Variants in DNAJC16 observed in about 807,000 individuals in gnomAD.
DNAJC16 encodes DnaJ heat shock protein family (Hsp40) member C16.
DNAJC16 carries 76 observed loss-of-function variants against 92.7 expected under a neutral mutation model. The ratio of observed to expected loss-of-function variants is 0.82; its 90% CI spans 0.68 to 0.99. The LOEUF is 0.99. Ranked by LOEUF, DNAJC16 falls within the 50% of genes least tolerant of loss-of-function variation. The pLI is 0.00. For missense variants in DNAJC16, 869 were observed against 942.4 expected, an observed-to-expected ratio of 0.92 and a Z score of 1.02; for synonymous variants, 328 against 358.7, an observed-to-expected ratio of 0.91 and a Z score of 0.97.
chr1:15,532,811 T>C (rs188326292), intron 2 of DNAJC16, among the ~76,000 whole-genome samples: 1 of 152,296 alleles, frequency 6.6e-6, no homozygotes, highest in Admixed American at 6.5e-5. Context: ...CTAATACTCA[T>C]AGCAAGGATT....
In DNAJC16 at chr1:15,534,321, G is replaced by T. The variant is rs1223731706; in HGVS notation, c.234+18G>T. On this transcript the variant is annotated intron_variant, in intron 3 of 14. Transcript: ENST00000375847. ...CTTACGAGGTATCGTGTCCAGCTTT[G>T]TGATGCATCCATTAGCTCTTACAAA... The T allele has an allele frequency of 6.2e-7, 1 of 1,612,900 alleles. No individual in the cohort carries two copies. The highest frequency in any genetic ancestry group is 1.7e-5 in the Admixed American group (1 of 59,864).
intron 7 of DNAJC16, among the ~76,000 whole-genome samples, chr1:15,549,591 G>C (rs988743589): frequency 6.6e-6 from 1 of 151,960 alleles, no homozygotes; most frequent in Non-Finnish European, 1.5e-5. Flanking sequence ...GAGGCGGGCA[G>C]ATCACGAGGT....
chr1:15,527,504 TTTATG>T (rs1557564851), intron 1 of DNAJC16, among the ~76,000 whole-genome samples: 1 of 152,208 alleles, frequency 6.6e-6, no homozygotes, highest in African/African-American at 2.4e-5. Flanking sequence ...TCATTCCCAT[TTTATG>T]AATAAGGACG....
At position 15,568,116 on chromosome 1, in the gene DNAJC16, A is replaced by G; in HGVS notation, c.2288A>G (p.Glu763Gly). 6.2e-7 allele frequency: 1 copy of G among 1,614,162 alleles called. No homozygotes were observed. Among genetic ancestry groups the G allele is most frequent in the Non-Finnish European group, 8.5e-7 (1 of 1,180,028 alleles). The change falls in exon 15 of 15, where the codon GAA (glutamate) becomes GGA (glycine). Residue 763 changes from glutamate (E) to glycine (G), a missense_variant. Transcript: ENST00000375847. Reference sequence around the variant, plus strand: ...TTGAGCAAGCTCTCTTTATGGATGGAACGCCTGCTGGAGGGCTCCTTACAG... The same window carrying G: ...TTGAGCAAGCTCTCTTTATGGATGGGACGCCTGCTGGAGGGCTCCTTACAG... The part of the protein sequence containing the change: ...GKLSKLSLWM[E>G]RLLEGSLQRF...
intron 3 of DNAJC16, among the ~76,000 whole-genome samples, chr1:15,535,843 C>G (rs947821711): frequency 1.3e-5 from 2 of 151,822 alleles, no homozygotes; most frequent in African/African-American, 2.4e-5. Flanking sequence ...CTCACTGCAG[C>G]CTTCAACTAC....
chr1:15,549,241 G>A (rs535174710), intron 7 of DNAJC16, among the ~76,000 whole-genome samples: 40 of 152,298 alleles, frequency 2.6e-4, no homozygotes, highest in Non-Finnish European at 3.7e-4. Flanking sequence ...TTTGGCTGTG[G>A]ACATACTGAA....
intron 6 of DNAJC16, 120 bp from the exon 7 acceptor site, chr1:15,548,150 G>A: frequency 1.1e-6 from 1 of 873,398 alleles, no homozygotes; most frequent in South Asian, 1.9e-5. Flanking sequence ...GGAAGACCTA[G>A]TGGAGCTGTG....
intron 3 of DNAJC16, among the ~76,000 whole-genome samples, chr1:15,536,192 G>T (rs1710779023): frequency 6.7e-6 from 1 of 149,156 alleles, no homozygotes; most frequent in Admixed American, 6.8e-5. Flanking sequence ...TCCTACCTCA[G>T]CCTCCCGAGT....
Position 15,567,212 on chromosome 1 carries a change from A to G in DNAJC16, c.1892A>G (p.Asn631Ser). Residue 631 changes from asparagine (N) to serine (S), a missense_variant, in exon 14 of 15, where the codon AAT (asparagine) becomes AGT (serine). Physicochemically the swap from Asn to Ser is conservative, Grantham distance 46 (BLOSUM62 1). Coordinates refer to ENST00000375847, the MANE Select transcript of DNAJC16 (RefSeq NM_015291.4). The stretch of plus-strand genomic sequence containing the variant: ...ATGAATGTGGTCCTCATCCTGTCGA[A>G]TTCTACCAAGACCAGCCTACTACAG... Reference protein sequence around the residue: ...GHMNVVLILSNSTKTSLLQKF... With the variant: ...GHMNVVLILSSSTKTSLLQKF... 6.2e-7 allele frequency: 1 copy of G among 1,614,148 alleles called. No homozygotes were observed. Among genetic ancestry groups the G allele is most frequent in the South Asian group, 1.1e-5 (1 of 91,080 alleles).
chr1:15,541,032 C>T (rs1401492075), intron 4 of DNAJC16, among the ~76,000 whole-genome samples: 1 of 152,130 alleles, frequency 6.6e-6, no homozygotes, highest in African/African-American at 2.4e-5. Context: ...ACCATGATGC[C>T]TCACCCTCCC....
chr1:15,535,275 G>C (rs561829711), intron 3 of DNAJC16, among the ~76,000 whole-genome samples: 71 of 152,306 alleles, frequency 4.7e-4, no homozygotes, highest in Non-Finnish European at 8.4e-4. Context: ...TTGAGCCCTG[G>C]TGATCAACAT....
intron 4 of DNAJC16, among the ~76,000 whole-genome samples, chr1:15,541,945 C>T (rs536908973): frequency 4.9e-4 from 75 of 152,222 alleles, no homozygotes; most frequent in African/African-American, 1.7e-3. Flanking sequence ...AGATGGAGCA[C>T]CTAATCCTTG....
At chr1:15,553,186 G>A (rs1416021751) in intron 7 of DNAJC16, among the ~76,000 whole-genome samples, 1 of 151,596 alleles carries the variant, frequency 6.6e-6, no homozygotes, top group East Asian at 1.9e-4. Context: ...ATAGTCTTTT[G>A]TTTATCTCCG....
chr1:15,530,360 T>TA (rs1386308703), intron 2 of DNAJC16, among the ~76,000 whole-genome samples: 1 of 151,968 alleles, frequency 6.6e-6, no homozygotes, highest in Non-Finnish European at 1.5e-5. Flanking sequence ...AAAAAAAACT[T>TA]ACAGAAAATT....
At position 15,566,175 on chromosome 1, in the gene DNAJC16, C is replaced by T. The variant is rs758738363; in HGVS notation, c.1773C>T (p.Asn591=). The T allele has an allele frequency of 6.2e-7, 1 of 1,613,660 alleles. No homozygotes were observed. Among genetic ancestry groups the T allele is most frequent in the Non-Finnish European group, 8.5e-7 (1 of 1,179,890 alleles). ...CTGAGCCAAGCTTCACCAAAGAAAA[C>T]AGCAGGTTTCTCTAACAAAACACCA... ...GKTEPSFTKE[N]SSKIPKKGFV... is the part of the protein sequence containing the mutation. The change falls in exon 13 of 15, where the codon AAC becomes AAT. Residue 591 remains asparagine (N), a synonymous_variant. Coordinates refer to ENST00000375847, the MANE Select transcript of DNAJC16 (RefSeq NM_015291.4).
chr1:15,555,681 C>CAA (rs937939468), intron 7 of DNAJC16, among the ~76,000 whole-genome samples: 10 of 51,554 alleles, frequency 1.9e-4, no homozygotes, highest in Admixed American at 4.4e-4. Flanking sequence ...GACTCCGTCT[C>CAA]AAAAAAAAAA....
chr1:15,548,980 AT>A (rs1270188899), intron 7 of DNAJC16, among the ~76,000 whole-genome samples: 1 of 152,222 alleles, frequency 6.6e-6, no homozygotes, highest in Non-Finnish European at 1.5e-5. Flanking sequence ...ACTAATAACC[AT>A]TTTTAAAAAT....
Position 15,562,383 on chromosome 1 carries a change from C to G in DNAJC16, c.1338+58C>G, listed in dbSNP as rs1158459586. The G allele has an allele frequency of 2.7e-6, 4 of 1,480,426 alleles. No individual in the cohort carries two copies. The East Asian group carries it at 9.4e-5, about 35-fold the overall frequency. The allele number at this position is 1,480,426 out of a possible 1,614,324, so 91.7% of individuals were successfully genotyped here. A position where few individuals can be genotyped will look rare whatever the true frequency, so the allele number is the denominator to read the frequency against. ...CTTCATAACCATGTGGCACTTGATT[C>G]TGTTTCCTTCTTCCTTGAGAGTGTT... is the stretch of plus-strand genomic sequence containing the variant. On this transcript the variant is annotated intron_variant, in intron 9 of 14. Transcript: ENST00000375847.
intron 4 of DNAJC16, 31 bp from the exon 5 acceptor site, chr1:15,544,368 A>T: frequency 6.3e-7 from 1 of 1,579,704 alleles, no homozygotes; most frequent in Non-Finnish European, 8.6e-7. Flanking sequence ...AGACATAAAA[A>T]GGCTTCATTT....
Sources: gnomAD v4.1 joint callset for allele counts (sites outside exome capture counted in the v4.1 genomes callset) on GRCh38, gnomAD v4.1.1 for gene constraint, MANE v1.5 for transcripts, NCBI Gene and HGNC (gene_info 2026-07-23, HGNC 2026-07-21) for gene names.